The following ZEB2 variants were observed in gnomAD, a reference collection of about 807,000 sequenced individuals.
The protein encoded by ZEB2 is zinc finger E-box-binding homeobox 2.
ZEB2 carries 6 observed loss-of-function variants against 99.9 expected under a neutral mutation model. That is an observed-to-expected ratio of 0.06 (90% CI 0.03 to 0.12). ZEB2 has a LOEUF of 0.12. Among genes scored for constraint, ZEB2 ranks in the 10% least tolerant of loss-of-function variants. The pLI is 1.00. For missense variants in ZEB2, 969 were observed against 1,502.8 expected, an observed-to-expected ratio of 0.64 and a Z score of 5.87; for synonymous variants, 517 against 542.5, an observed-to-expected ratio of 0.95 and a Z score of 0.65.
intron 2 of ZEB2, among the ~76,000 whole-genome samples, chr2:144,449,087 T>C (rs1704022699): frequency 6.6e-6 from 1 of 152,218 alleles, no homozygotes; most frequent in Non-Finnish European, 1.5e-5. Context: ...CTGGCTGAGC[T>C]TTCAGCCTGC....
intron 4 of ZEB2, among the ~76,000 whole-genome samples, chr2:144,419,550 T>G (rs1487303642): frequency 1.3e-5 from 2 of 152,238 alleles, no homozygotes; most frequent in Non-Finnish European, 2.9e-5. Context: ...ATGATCACCA[T>G]GCACCTAAGA....
At chr2:144,404,547 C>T (rs138758339) in intron 5 of ZEB2, among the ~76,000 whole-genome samples, 41 of 151,874 alleles carry the variant, frequency 2.7e-4, no homozygotes, top group Middle Eastern at 3.4e-3. Flanking sequence ...CTTTTTTTTC[C>T]TCAAAAGTAA....
At chr2:144,458,103 T>C (rs1336419079) in intron 2 of ZEB2, among the ~76,000 whole-genome samples, 1 of 151,866 alleles carries the variant, frequency 6.6e-6, no homozygotes, top group Non-Finnish European at 1.5e-5. Flanking sequence ...GCTGTTTTCA[T>C]TGCTACTTTA....
At chr2:144,409,523 A>G (rs1236977147) in intron 4 of ZEB2, among the ~76,000 whole-genome samples, 1 of 152,180 alleles carries the variant, frequency 6.6e-6, no homozygotes, top group Non-Finnish European at 1.5e-5. Flanking sequence ...GGATATTTGC[A>G]TGGTATTTAT....
chr2:144,435,276 A>T (rs1223542043), intron 2 of ZEB2, among the ~76,000 whole-genome samples: 1 of 152,126 alleles, frequency 6.6e-6, no homozygotes, highest in Non-Finnish European at 1.5e-5. Context: ...ACTTCATTTT[A>T]AAAATGTCTC....
intron 2 of ZEB2, 107 bp downstream of exon 2, chr2:144,517,171 G>GCGCCGCCGC (rs1018470315): frequency 8.8e-6 from 13 of 1,473,276 alleles, no homozygotes; most frequent in Middle Eastern, 2.4e-4. Flanking sequence ...AGAGCCCTGG[G>GCGCCGCCGC]CGCCGCCGCC....
intron 2 of ZEB2, among the ~76,000 whole-genome samples, chr2:144,499,716 A>C (rs1318176124): frequency 1.3e-5 from 2 of 152,142 alleles, no homozygotes; most frequent in East Asian, 3.9e-4. Flanking sequence ...TGTTTGTACC[A>C]CCTACACCAT....
intron 2 of ZEB2, among the ~76,000 whole-genome samples, chr2:144,467,207 A>C (rs1704284254): frequency 6.6e-6 from 1 of 152,154 alleles, no homozygotes; most frequent in Non-Finnish European, 1.5e-5. Flanking sequence ...AACTAAAATA[A>C]TTTTTAAAAT....
chr2:144,488,670 A>AGT (rs57221448), intron 2 of ZEB2, among the ~76,000 whole-genome samples: 10,665 of 147,656 alleles, frequency 0.072, 454 homozygotes, highest in African/African-American at 0.12. Flanking sequence ...CTCGTGTGTG[A>AGT]GTGTGTGTGT....
chr2:144,398,276 A>T, intron 8 of ZEB2, 25 bp downstream of exon 8: 1 of 1,612,098 alleles, frequency 6.2e-7, no homozygotes, highest in Non-Finnish European at 8.5e-7. Flanking sequence ...TTTTCTTCAT[A>T]GCAGAAAAAC....
At chr2:144,499,290 A>C (rs1010111878) in intron 2 of ZEB2, among the ~76,000 whole-genome samples, 10 of 152,220 alleles carry the variant, frequency 6.6e-5, no homozygotes, top group Admixed American at 5.9e-4. Flanking sequence ...TATTGTTCAG[A>C]GGGTCAGAAT....
At chr2:144,414,551 T>C (rs951723119) in intron 4 of ZEB2, among the ~76,000 whole-genome samples, 1 of 151,974 alleles carries the variant, frequency 6.6e-6, no homozygotes, top group African/African-American at 2.4e-5. Context: ...TCCAGTAAAA[T>C]TTCATTAGAA....
chr2:144,497,428 T>C (rs1387577775), intron 2 of ZEB2, among the ~76,000 whole-genome samples: 1 of 152,166 alleles, frequency 6.6e-6, no homozygotes, highest in Non-Finnish European at 1.5e-5. Flanking sequence ...ACAAACACTG[T>C]AGTTTTCTGC....
At chr2:144,402,870 C>T (rs1239389531) in intron 6 of ZEB2, among the ~76,000 whole-genome samples, 1 of 152,184 alleles carries the variant, frequency 6.6e-6, no homozygotes, top group Non-Finnish European at 1.5e-5. Flanking sequence ...AGCTGTTCTC[C>T]TAAAATAGTA....
At position 144,396,599 on chromosome 2, in the gene ZEB2, T is replaced by G. The variant is rs1553961365; in HGVS notation, c.2887-7A>C. ...CTCCATCAAGCAATTCTCCCTGCGA[T>G]AGAATCACACAGTTCAATACAGTGG... On this transcript the variant is annotated splice_polypyrimidine_tract_variant and splice_region_variant and intron_variant, in intron 8 of 9. Transcript: ENST00000627532. The G allele has an allele frequency of 6.2e-7, 1 of 1,612,774 alleles. No homozygotes were observed. Among genetic ancestry groups the G allele is most frequent in the Non-Finnish European group, 8.5e-7 (1 of 1,179,776 alleles).
In ZEB2 at chr2:144,387,726, C is replaced by G. The variant is rs1326338995; in HGVS notation, c.*1725G>C. 6.6e-6 allele frequency: 1 copy of G among 151,948 alleles called. No homozygotes were observed. The highest frequency in any genetic ancestry group is 2.4e-5 in the African/African-American group (1 of 41,370). The allele number at this position is 151,948 out of a possible 1,614,324, so 9.4% of individuals were successfully genotyped here. ...TTTTAACACATAATCTCTAAATACT[C>G]GTAATGCAAAAGTAGAAATGTCTGT... On this transcript the variant is annotated 3_prime_UTR_variant, in exon 10 of 10. Transcript: ENST00000627532.
At position 144,386,776 on chromosome 2, in the gene ZEB2, C is replaced by T. The variant is rs1011176118; in HGVS notation, c.*2675G>A. 1 of 151,992 alleles carries T rather than the reference C, an allele frequency of 6.6e-6. No homozygotes were observed. Among genetic ancestry groups the T allele is most frequent in the African/African-American group, 2.4e-5 (1 of 41,360 alleles). The allele number at this position is 151,992 out of a possible 1,614,324, so 9.4% of individuals were successfully genotyped here. Reference sequence around the variant, plus strand: ...AATTAATAAAGTTATCGCCTAGAGCCTTTCAAACCAGAAAAATTTATGTAG... The same window carrying T: ...AATTAATAAAGTTATCGCCTAGAGCTTTTCAAACCAGAAAAATTTATGTAG... On this transcript the variant is annotated 3_prime_UTR_variant, in exon 10 of 10. Coordinates refer to ENST00000627532, the MANE Select transcript of ZEB2 (RefSeq NM_014795.4).
chr2:144,519,627 T>C (rs1181014993), intron 1 of ZEB2: 3 of 214,988 alleles, frequency 1.4e-5, no homozygotes, highest in Non-Finnish European at 2.9e-5. Context: ...AATAAAACTT[T>C]TCCTGGGCTG....
Position 144,504,094 on chromosome 2 carries a change from A to C in ZEB2, c.73+13184T>G, listed in dbSNP as rs1465836087. ...TTAACAATTAGAAAAAAAAAAAAAA[A>C]CAACAAAAAAAACAAACCACCTTAA... On this transcript the variant is annotated intron_variant, in intron 2 of 9. Transcript: ENST00000627532. 5.1e-3 allele frequency: 135 copies of C among 26,660 alleles called. 4 individuals carry two copies. The highest frequency in any genetic ancestry group is 0.011 in the African/African-American group (127 of 11,708). 1.7% of individuals were successfully genotyped at this position (26,660 alleles called of 1,614,324 possible).
Sources: gnomAD v4.1 joint callset for allele counts (sites outside exome capture counted in the v4.1 genomes callset) on GRCh38, gnomAD v4.1.1 for gene constraint, MANE v1.5 for transcripts, NCBI Gene and HGNC (gene_info 2026-07-23, HGNC 2026-07-21) for gene names.